Variants in GABRR2 observed in about 807,000 individuals in gnomAD.
The protein encoded by GABRR2 is gamma-aminobutyric acid type A receptor subunit rho2.
Under a neutral mutation model 47.0 loss-of-function variants are expected in GABRR2, and 36 were observed. The ratio of observed to expected loss-of-function variants is 0.77; its 90% CI spans 0.59 to 1.01. GABRR2 has a LOEUF of 1.01. GABRR2 is among the 50% of genes least tolerant of loss of function. The pLI is 0.00. For synonymous variants in GABRR2, 204 were observed against 227.5 expected (o/e 0.90, Z 0.93); for missense variants, 587 against 594.6 (o/e 0.99, Z 0.13).
intron 2 of GABRR2, among the ~76,000 whole-genome samples, chr6:89,292,992 T>C (rs1347261251): frequency 2.0e-5 from 3 of 151,682 alleles, no homozygotes; most frequent in Non-Finnish European, 4.4e-5. Context: ...CTTGAACAGA[T>C]ATTTGCACAT....
intron 1 of GABRR2, among the ~76,000 whole-genome samples, chr6:89,300,487 A>T (rs183636955): frequency 1.2e-4 from 18 of 150,788 alleles, no homozygotes; most frequent in African/African-American, 4.4e-4. Flanking sequence ...TGATAGAGTG[A>T]GACTCTGTCG....
intron 2 of GABRR2, among the ~76,000 whole-genome samples, chr6:89,297,839 T>C (rs1053770461): frequency 2.6e-5 from 4 of 152,060 alleles, no homozygotes; most frequent in Admixed American, 6.5e-5. Context: ...GGTGACAAAG[T>C]GAAACTCCGT....
intron 1 of GABRR2, chr6:89,302,102 G>T (rs1402707670): frequency 6.4e-6 from 4 of 622,798 alleles, no homozygotes; most frequent in East Asian, 3.1e-5. Flanking sequence ...TCACTACACG[G>T]AGGGTGCGGA....
intron 1 of GABRR2, chr6:89,302,631 AC>A: frequency 7.9e-7 from 1 of 1,263,486 alleles, no homozygotes; most frequent in Non-Finnish European, 1.1e-6. Flanking sequence ...GCCCGAGCTC[AC>A]CCCTCAGATG....
intron 2 of GABRR2, among the ~76,000 whole-genome samples, chr6:89,294,395 C>T (rs1479584547): frequency 2.6e-5 from 4 of 152,190 alleles, no homozygotes; most frequent in African/African-American, 9.7e-5. Flanking sequence ...ATCCACCCAC[C>T]TTGACCTCCC....
In GABRR2 at chr6:89,264,437, C is replaced by T. The variant is rs746182488; in HGVS notation, c.1061G>A (p.Arg354His). 9.3e-6 allele frequency: 15 copies of T among 1,613,680 alleles called. No individual in the cohort carries two copies. The highest frequency in any genetic ancestry group is 3.3e-5 in the South Asian group (3 of 91,062). ...AVNYLTTVQERKERKLREKFP... is the reference protein window; with the variant it reads ...AVNYLTTVQEHKERKLREKFP... ...CTTCTCCCGCAGCTTCCGTTCCTTG[C>T]GCTCCTGCACGGTGGTCAGGTAGTT... The change falls in exon 8 of 9, where the codon CGC becomes CAC. Residue 354 changes from arginine (R) to histidine (H), a missense_variant. Physicochemically the swap from Arg to His is conservative, Grantham distance 29 (BLOSUM62 0). Transcript: ENST00000402938.
rs1773567745 is a variant in GABRR2, at chr6:89,254,762, A to C, written c.*2908T>G. On this transcript the variant is annotated 3_prime_UTR_variant, in exon 9 of 9. Coordinates refer to ENST00000402938, the MANE Select transcript of GABRR2 (RefSeq NM_002043.5). ...TTAGTTCCTGTTTTCTACTCCTACC[A>C]ATGTTGTCTCCACTTTACCTCTTTA... Among the ~76,000 whole-genome samples, 1 of 152,112 alleles carries C rather than the reference A, an allele frequency of 6.6e-6. No homozygotes were observed. The highest frequency in any genetic ancestry group is 1.5e-5 in the Non-Finnish European group (1 of 68,028).
At chr6:89,283,421 A>G (rs1774284697) in intron 2 of GABRR2, among the ~76,000 whole-genome samples, 1 of 152,208 alleles carries the variant, frequency 6.6e-6, no homozygotes, top group Non-Finnish European at 1.5e-5. Context: ...AAAGTATGAT[A>G]GATCCATACA....
chr6:89,314,987 C>A, intron 1 of GABRR2, 66 bp downstream of exon 1: 8 of 1,428,074 alleles, frequency 5.6e-6, no homozygotes, highest in Non-Finnish European at 6.8e-6. Flanking sequence ...GGGGAGCCAT[C>A]CCACTGTGCC....
chr6:89,304,588 C>CAAAAAAAGAA (rs1562390522), intron 1 of GABRR2, among the ~76,000 whole-genome samples: 1 of 126,726 alleles, frequency 7.9e-6, no homozygotes. Flanking sequence ...GACTCCATCT[C>CAAAAAAAGAA]AAAAAAAAGA....
chr6:89,302,618 C>A, intron 1 of GABRR2: 2 of 1,232,556 alleles, frequency 1.6e-6, no homozygotes, highest in Non-Finnish European at 2.3e-6. Context: ...GGGCCCTGAC[C>A]GTGCCCGAGC....
intron 8 of GABRR2, among the ~76,000 whole-genome samples, chr6:89,258,962 T>C (rs9451189): frequency 0.088 from 13,224 of 150,422 alleles, 642 homozygotes; most frequent in African/African-American, 0.1. Flanking sequence ...AATGGCAAAA[T>C]GTTAGCAATG....
intron 2 of GABRR2, among the ~76,000 whole-genome samples, chr6:89,278,246 A>C (rs550662073): frequency 6.6e-6 from 1 of 152,362 alleles, no homozygotes; most frequent in African/African-American, 2.4e-5. Flanking sequence ...AGATGAAAGA[A>C]TAAAAAGTGA....
At chr6:89,308,086 G>A (rs1017193783) in intron 1 of GABRR2, among the ~76,000 whole-genome samples, 10 of 152,008 alleles carry the variant, frequency 6.6e-5, no homozygotes, top group African/African-American at 2.4e-4. Flanking sequence ...AAGTGCTGGG[G>A]TTACAGGCAT....
intron 3 of GABRR2, 77 bp downstream of exon 3, chr6:89,271,578 A>G: frequency 7.7e-7 from 1 of 1,305,996 alleles, no homozygotes. Flanking sequence ...CGCTCTGCCC[A>G]CACAGGCACA....
At chr6:89,301,323 G>T (rs911202248) in intron 1 of GABRR2, among the ~76,000 whole-genome samples, 1 of 151,978 alleles carries the variant, frequency 6.6e-6, no homozygotes, top group Non-Finnish European at 1.5e-5. Context: ...ACAAGACAAG[G>T]GTGCCCTCTC....
At chr6:89,305,402 G>T (rs943927370) in intron 1 of GABRR2, among the ~76,000 whole-genome samples, 54 of 151,590 alleles carry the variant, frequency 3.6e-4, no homozygotes, top group African/African-American at 1.3e-3. Context: ...TTGATCAGCT[G>T]GGGGTGGTGG....
chr6:89,296,635 T>A (rs570149958), intron 2 of GABRR2, among the ~76,000 whole-genome samples: 1 of 152,278 alleles, frequency 6.6e-6, no homozygotes, highest in Non-Finnish European at 1.5e-5. Context: ...CAGGGAGCAG[T>A]CCTGACCCTC....
At chr6:89,263,150 G>T (rs776554594) in intron 8 of GABRR2, among the ~76,000 whole-genome samples, 1 of 152,012 alleles carries the variant, frequency 6.6e-6, no homozygotes, top group Non-Finnish European at 1.5e-5. Flanking sequence ...CTTCTCTTTC[G>T]TCCTCCTCCT....
Sources: gnomAD v4.1 joint callset for allele counts (sites outside exome capture counted in the v4.1 genomes callset) on GRCh38, gnomAD v4.1.1 for gene constraint, MANE v1.5 for transcripts, NCBI Gene and HGNC (gene_info 2026-07-23, HGNC 2026-07-21) for gene names.